The following SMAP1 variants were observed in gnomAD, a reference collection of about 807,000 sequenced individuals.
SMAP1 encodes small ArfGAP 1.
Under a neutral mutation model 58.5 loss-of-function variants are expected in SMAP1, and 24 were observed. The ratio of observed to expected loss-of-function variants is 0.41; its 90% CI spans 0.30 to 0.58. SMAP1 has a LOEUF of 0.58. Among genes scored for constraint, SMAP1 ranks in the 20% least tolerant of loss-of-function variants. The pLI, the probability that SMAP1 is intolerant of heterozygous loss-of-function variation, is 0.29. For missense variants in SMAP1, 563 were observed against 566.3 expected, an observed-to-expected ratio of 0.99 and a Z score of 0.06; for synonymous variants, 216 against 196.6, an observed-to-expected ratio of 1.10 and a Z score of -0.82.
chr6:70,777,285 C>T (rs1277107096), intron 4 of SMAP1, among the ~76,000 whole-genome samples: 1 of 152,140 alleles, frequency 6.6e-6, no homozygotes, highest in Non-Finnish European at 1.5e-5. Flanking sequence ...AATCACCCGT[C>T]TTCTGCATCG....
At position 70,707,614 on chromosome 6, in the gene SMAP1, A is replaced by G. The variant is rs1371878953; in HGVS notation, c.119-24764A>G. Among the ~76,000 whole-genome samples the G allele has an allele frequency of 3.3e-5, 5 of 152,030 alleles. No homozygotes were observed. In the East Asian group the frequency reaches 9.6e-4, roughly 29 times the overall value. Reference sequence around the variant, plus strand: ...TTTAAACATTTATTTATTTATTTATATTTATTTTTGAGACAGAGTCTCACT... The same window carrying G: ...TTTAAACATTTATTTATTTATTTATGTTTATTTTTGAGACAGAGTCTCACT... On this transcript the variant is annotated intron_variant, in intron 1 of 10. Coordinates refer to ENST00000370455, the MANE Select transcript of SMAP1 (RefSeq NM_001044305.3).
At chr6:70,833,664 A>T (rs751947449) in intron 6 of SMAP1, among the ~76,000 whole-genome samples, 1 of 152,182 alleles carries the variant, frequency 6.6e-6, no homozygotes, top group Non-Finnish European at 1.5e-5. Flanking sequence ...TAAGAAATAC[A>T]TTTTACATTA....
rs544871190 is a variant in SMAP1 at position 70,842,861 on chromosome 6, A to G, written c.664+5833A>G. Among the ~76,000 whole-genome samples, 5 of 152,058 alleles carry G rather than the reference A, an allele frequency of 3.3e-5. No homozygotes were observed. In the South Asian group the frequency reaches 1.0e-3, roughly 32 times the overall value. ...GAAGGTGCAGCATCCTATCCTCAGG[A>G]CCACGCCTAAAGGATGGCTTTTCCT... On this transcript the variant is annotated intron_variant, in intron 7 of 10. Transcript: ENST00000370455.
chr6:70,743,602 G>A (rs1432675419), intron 2 of SMAP1, among the ~76,000 whole-genome samples: 1 of 152,116 alleles, frequency 6.6e-6, no homozygotes, highest in Admixed American at 6.5e-5. Context: ...ATTTATTCAA[G>A]AAAACCATAG....
At chr6:70,748,598 G>A (rs1766144805) in intron 2 of SMAP1, among the ~76,000 whole-genome samples, 1 of 151,966 alleles carries the variant, frequency 6.6e-6, no homozygotes, top group African/African-American at 2.4e-5. Flanking sequence ...TAGTAAAGGA[G>A]GAAGTCTCCT....
chr6:70,670,848 A>G (rs1766233730), intron 1 of SMAP1, among the ~76,000 whole-genome samples: 1 of 152,222 alleles, frequency 6.6e-6, no homozygotes, highest in Admixed American at 6.5e-5. Context: ...TTGGGTTTTG[A>G]CATTTTCTTA....
At chr6:70,828,090 A>T (rs1016084827) in intron 6 of SMAP1, among the ~76,000 whole-genome samples, 11 of 152,200 alleles carry the variant, frequency 7.2e-5, no homozygotes, top group African/African-American at 2.7e-4. Context: ...CAGTTTTGAA[A>T]GCATACAAAT....
intron 2 of SMAP1, among the ~76,000 whole-genome samples, chr6:70,752,859 C>T (rs968686679): frequency 1.3e-5 from 2 of 151,998 alleles, no homozygotes; most frequent in Non-Finnish European, 2.9e-5. Flanking sequence ...CTTATTTCCC[C>T]AAATCCCAAC....
intron 1 of SMAP1, among the ~76,000 whole-genome samples, chr6:70,676,249 T>G (rs888099809): frequency 8.5e-5 from 13 of 152,200 alleles, no homozygotes; most frequent in Non-Finnish European, 1.8e-4. Context: ...CTTAGCAAAT[T>G]ACTGAACATG....
intron 2 of SMAP1, among the ~76,000 whole-genome samples, chr6:70,752,769 A>C (rs2149886817): frequency 6.6e-6 from 1 of 151,802 alleles, no homozygotes; most frequent in South Asian, 2.1e-4. Context: ...TCTACTTTTT[A>C]GAAACCTAGA....
intron 1 of SMAP1, among the ~76,000 whole-genome samples, chr6:70,725,379 G>A (rs1768731241): frequency 1.3e-5 from 2 of 152,026 alleles, no homozygotes; most frequent in African/African-American, 4.8e-5. Flanking sequence ...GCCTCCCTAA[G>A]TGCTGGGATT....
chr6:70,794,729 A>G (rs1395203494), intron 5 of SMAP1, among the ~76,000 whole-genome samples: 2 of 146,878 alleles, frequency 1.4e-5, no homozygotes, highest in Non-Finnish European at 3.0e-5. Flanking sequence ...AAGGACACGA[A>G]CTCTTCCTTT....
chr6:70,672,883 T>C (rs763772322), intron 1 of SMAP1, among the ~76,000 whole-genome samples: 2 of 151,822 alleles, frequency 1.3e-5, no homozygotes, highest in African/African-American at 2.4e-5. Context: ...CACACACACA[T>C]GTACCAGTAT....
intron 8 of SMAP1, among the ~76,000 whole-genome samples, chr6:70,854,065 C>T (rs1771298946): frequency 6.6e-6 from 1 of 152,152 alleles, no homozygotes; most frequent in Non-Finnish European, 1.5e-5. Context: ...ATGCAGACTT[C>T]GTTTAATTCT....
At chr6:70,816,260 G>C (rs2149976171) in intron 6 of SMAP1, among the ~76,000 whole-genome samples, 1 of 152,264 alleles carries the variant, frequency 6.6e-6, no homozygotes, top group South Asian at 2.1e-4. Context: ...GACAATAATG[G>C]AGTACAAACC....
rs567304209 is a variant in SMAP1, at chr6:70,668,133, A to T, written c.110A>T (p.Glu37Val). 2 of 1,599,254 alleles carry T rather than the reference A, an allele frequency of 1.3e-6. No individual in the cohort carries two copies. The highest frequency in any genetic ancestry group is 2.2e-5 in the South Asian group (2 of 89,342). ...GACAACAAGTACTGCGCCGACTGCG[A>T]GGCCAAAGGTAGCTTGGACGTCGTC... Reference protein sequence around the residue: ...EEDNKYCADCEAKGPRWASWN... With the variant: ...EEDNKYCADCVAKGPRWASWN... Residue 37 changes from glutamate to valine, a missense_variant, in exon 1 of 11, where the codon GAG becomes GTG. Glu to Val is a moderately radical substitution (Grantham distance 121, BLOSUM62 -2). Coordinates refer to ENST00000370455, the MANE Select transcript of SMAP1 (RefSeq NM_001044305.3).
intron 1 of SMAP1, among the ~76,000 whole-genome samples, chr6:70,712,095 G>T (rs941540575): frequency 6.6e-6 from 1 of 152,136 alleles, no homozygotes; most frequent in Non-Finnish European, 1.5e-5. Flanking sequence ...TTATGTTGAG[G>T]AAGTTTCCTT....
chr6:70,817,322 C>G (rs967584110), intron 6 of SMAP1, among the ~76,000 whole-genome samples: 1 of 151,762 alleles, frequency 6.6e-6, no homozygotes, highest in Non-Finnish European at 1.5e-5. Context: ...AAAAGCAATC[C>G]TTTTTTCATA....
chr6:70,669,940 T>C (rs1379030929), intron 1 of SMAP1, among the ~76,000 whole-genome samples: 2 of 152,214 alleles, frequency 1.3e-5, no homozygotes, highest in East Asian at 1.9e-4. Context: ...AAAGCCATTA[T>C]TAACCATGTT....
Sources: allele counts gnomAD v4.1 joint callset (sites outside exome capture counted in the v4.1 genomes callset), GRCh38; gene constraint gnomAD v4.1.1; transcripts MANE v1.5; gene names NCBI Gene and HGNC (gene_info 2026-07-23, HGNC 2026-07-21).